The following EXOC6 variants were observed in gnomAD, a reference collection of about 807,000 sequenced individuals.
The protein encoded by EXOC6 is SEC15-like 1.
EXOC6 carries 60 observed loss-of-function variants against 112.5 expected under a neutral mutation model. That is an observed-to-expected ratio of 0.53 (90% CI 0.43 to 0.66). The LOEUF is 0.66. Among genes scored for constraint, EXOC6 ranks in the 30% least tolerant of loss-of-function variants. The probability of loss-of-function intolerance (pLI) is 0.00; values close to 1 mark genes in which losing one functional copy is unlikely to be tolerated. For synonymous variants in EXOC6, 295 were observed against 308.0 expected, an observed-to-expected ratio of 0.96 and a Z score of 0.44; for missense variants, 855 against 957.1, an observed-to-expected ratio of 0.89 and a Z score of 1.41.
At chr10:92,887,980 G>C (rs763182537) in intron 1 of EXOC6, among the ~76,000 whole-genome samples, 1 of 152,130 alleles carries the variant, frequency 6.6e-6, no homozygotes, top group Non-Finnish European at 1.5e-5. Context: ...TATCAGCTGT[G>C]AGTACAGCTT....
intron 20 of EXOC6, among the ~76,000 whole-genome samples, chr10:93,017,613 G>A (rs1194819427): frequency 6.6e-6 from 1 of 151,688 alleles, no homozygotes; most frequent in African/African-American, 2.4e-5. Context: ...TACATATTGG[G>A]TACAATGTAT....
chr10:92,950,372 G>A (rs946450182), intron 14 of EXOC6, among the ~76,000 whole-genome samples: 2 of 152,086 alleles, frequency 1.3e-5, no homozygotes, highest in African/African-American at 2.4e-5. Flanking sequence ...AGATAGCTAT[G>A]TTAATTTTAT....
intron 1 of EXOC6, among the ~76,000 whole-genome samples, chr10:92,879,676 A>G (rs187539719): frequency 6.7e-6 from 1 of 150,140 alleles, no homozygotes; most frequent in Non-Finnish European, 1.5e-5. Context: ...GATCTTATCC[A>G]TCAGTACTGA....
chr10:93,032,336 A>G (rs745984428), intron 20 of EXOC6, among the ~76,000 whole-genome samples: 3 of 152,178 alleles, frequency 2.0e-5, no homozygotes, highest in Non-Finnish European at 2.9e-5. Flanking sequence ...GGTCACAAAA[A>G]CAACAGCAAA....
intron 4 of EXOC6, among the ~76,000 whole-genome samples, chr10:92,898,674 A>G (rs1472981394): frequency 1.3e-5 from 2 of 152,172 alleles, no homozygotes; most frequent in Non-Finnish European, 2.9e-5. Context: ...ACATTACAAT[A>G]TAGAGGCTAT....
At chr10:92,985,135 C>T (rs1390715299) in intron 18 of EXOC6, among the ~76,000 whole-genome samples, 1 of 152,162 alleles carries the variant, frequency 6.6e-6, no homozygotes, top group East Asian at 1.9e-4. Context: ...TTTACTTCTC[C>T]CTGCATCAGG....
intron 14 of EXOC6, among the ~76,000 whole-genome samples, chr10:92,951,726 C>T (rs1853429146): frequency 6.6e-6 from 1 of 152,020 alleles, no homozygotes; most frequent in Non-Finnish European, 1.5e-5. Flanking sequence ...CAGGAAGGAC[C>T]CTGTAAGCCA....
In EXOC6 at chr10:92,964,241, A is replaced by G. The variant is rs570942369; in HGVS notation, c.1773+8527A>G. ...AATAAATAATGGAAATTATATATAT[A>G]TTTTTAAAAAATTATAATTTATTGG... is the stretch of plus-strand genomic sequence containing the variant. On this transcript the variant is annotated intron_variant, in intron 17 of 21. Transcript: ENST00000260762. Among the ~76,000 whole-genome samples, 13 of 151,624 alleles carry G rather than the reference A, an allele frequency of 8.6e-5. No individual in the cohort carries two copies. In the South Asian group the frequency reaches 2.7e-3, roughly 31 times the overall value.
chr10:92,982,372 T>C (rs1842857086), intron 18 of EXOC6, among the ~76,000 whole-genome samples: 1 of 152,172 alleles, frequency 6.6e-6, no homozygotes, highest in African/African-American at 2.4e-5. Context: ...TTGTGCACAC[T>C]TCTTTCCAAC....
intron 1 of EXOC6, among the ~76,000 whole-genome samples, chr10:92,872,428 A>G (rs1174266423): frequency 3.9e-5 from 6 of 151,978 alleles, no homozygotes; most frequent in African/African-American, 4.8e-5. Flanking sequence ...GTTAGTTTTC[A>G]TGAGTATTCT....
At chr10:92,986,613 A>G (rs1843018778) in intron 18 of EXOC6, among the ~76,000 whole-genome samples, 1 of 151,794 alleles carries the variant, frequency 6.6e-6, no homozygotes, top group Admixed American at 6.6e-5. Context: ...CCACTAATAC[A>G]TAAATTCTGG....
intron 16 of EXOC6, 22 bp from the exon 17 acceptor site, chr10:92,955,558 A>G (rs746711769): frequency 7.5e-6 from 12 of 1,591,414 alleles, no homozygotes; most frequent in South Asian, 4.5e-5. Context: ...GTATTTTACT[A>G]GATATATCTT....
At position 92,848,561 on chromosome 10, in the gene EXOC6, A is replaced by C; in HGVS notation, c.28A>C (p.Thr10Pro). The C allele has an allele frequency of 7.0e-7, 1 of 1,432,954 alleles. No individual in the cohort carries two copies. The allele number at this position is 1,432,954 out of a possible 1,614,324, so 88.8% of individuals were successfully genotyped here. ...GGCGGAGAACAGCGAGAGTCTGGGC[A>C]CCGTCCCCGAGCACGAGCGGATCTT... MAENSESLGTVPEHERILQE... is the reference protein window; with the variant it reads MAENSESLGPVPEHERILQE... The change falls in exon 1 of 22, where the codon ACC (threonine) becomes CCC (proline). Residue 10 changes from threonine (T) to proline (P), a missense_variant. Coordinates refer to ENST00000260762, the MANE Select transcript of EXOC6 (RefSeq NM_019053.6).
At chr10:92,885,779 G>T (rs1039955770) in intron 1 of EXOC6, among the ~76,000 whole-genome samples, 16 of 152,102 alleles carry the variant, frequency 1.1e-4, no homozygotes, top group African/African-American at 3.9e-4. Flanking sequence ...TGGAAGGGAT[G>T]ACTGAGCTAA....
At chr10:92,980,691 A>G (rs188759562) in intron 18 of EXOC6, among the ~76,000 whole-genome samples, 35 of 152,354 alleles carry the variant, frequency 2.3e-4, no homozygotes, top group Middle Eastern at 3.4e-3. Context: ...GCTAATGCCA[A>G]TGAGGTCTGA....
chr10:92,926,292 G>A (rs1589844770), intron 8 of EXOC6, among the ~76,000 whole-genome samples: 1 of 151,930 alleles, frequency 6.6e-6, no homozygotes, highest in East Asian at 1.9e-4. Flanking sequence ...AACACCTAAA[G>A]CCTTATAATC....
chr10:92,934,122 G>C, intron 9 of EXOC6, 22 bp from the exon 10 acceptor site: 1 of 1,421,074 alleles, frequency 7.0e-7, no homozygotes, highest in Non-Finnish European at 9.7e-7. Context: ...GGTTTAAATT[G>C]ATTTTTATTT....
chr10:92,858,030 T>TCCCC lies in EXOC6; in HGVS notation c.101+9398_101+9399insCCCC, dbSNP rs1056188613. Among the ~76,000 whole-genome samples, 7 of 120,452 alleles carry TCCCC rather than the reference T, an allele frequency of 5.8e-5. 1 individual carries two copies. Among genetic ancestry groups the TCCCC allele is most frequent in the Admixed American group, 4.3e-4 (5 of 11,584 alleles). The allele number at this position is 120,452 out of a possible 152,430, so 79.0% of individuals were successfully genotyped here. On this transcript the variant is annotated intron_variant, in intron 1 of 21. Transcript: ENST00000260762. The stretch of plus-strand genomic sequence containing the variant: ...ATTTTTAGTTGACGGGTTCCCCCCC[T>TCCCC]CCGCCGGCCAGCAGTTTGAATATGT...
chr10:92,897,574 T>C (rs908969184), intron 4 of EXOC6, among the ~76,000 whole-genome samples: 2 of 152,234 alleles, frequency 1.3e-5, no homozygotes, highest in Non-Finnish European at 2.9e-5. Context: ...AGAAGCTACA[T>C]ACTCCCTCAC....
Sources: gnomAD v4.1 joint callset for allele counts (sites outside exome capture counted in the v4.1 genomes callset) on GRCh38, gnomAD v4.1.1 for gene constraint, MANE v1.5 for transcripts, NCBI Gene and HGNC (gene_info 2026-07-23, HGNC 2026-07-21) for gene names.